Variants in GNA12 observed in about 807,000 individuals in gnomAD.
GNA12 encodes guanine nucleotide-binding protein subunit alpha-12.
GNA12 carries 9 observed loss-of-function variants against 26.0 expected under a neutral mutation model. The observed-to-expected ratio is 0.35, with a 90% confidence interval of 0.21 to 0.60. GNA12 has a LOEUF of 0.60. GNA12 is among the 20% of genes least tolerant of loss of function. The pLI, the probability that GNA12 is intolerant of heterozygous loss-of-function variation, is 0.78. For missense variants in GNA12, 405 were observed against 525.8 expected, an observed-to-expected ratio of 0.77 and a Z score of 2.25; for synonymous variants, 264 against 219.6, an observed-to-expected ratio of 1.20 and a Z score of -1.79.
chr7:2,752,717 G>A (rs750248350), intron 2 of GNA12, among the ~76,000 whole-genome samples: 13 of 152,132 alleles, frequency 8.5e-5, no homozygotes, highest in Non-Finnish European at 1.6e-4. Context: ...ACTAAGAAAC[G>A]TGAATTTTTT....
At chr7:2,788,095 A>G (rs1236136265) in intron 2 of GNA12, among the ~76,000 whole-genome samples, 2 of 152,018 alleles carry the variant, frequency 1.3e-5, no homozygotes, top group Non-Finnish European at 1.5e-5. Context: ...CAGAGGTTGC[A>G]GTGAGCTGAG....
intron 2 of GNA12, among the ~76,000 whole-genome samples, chr7:2,734,497 G>A (rs113535557): frequency 2.2e-3 from 332 of 152,310 alleles, no homozygotes; most frequent in African/African-American, 7.1e-3. Flanking sequence ...GCGAGCTGAC[G>A]CAGGAGAATT....
chr7:2,814,264 G>A (rs763344460), intron 1 of GNA12: 1 of 929,410 alleles, frequency 1.1e-6, no homozygotes, highest in Non-Finnish European at 1.8e-6. Context: ...AATCCTGACT[G>A]AGATCAGGGA....
chr7:2,808,115 C>G (rs146556093), intron 1 of GNA12, among the ~76,000 whole-genome samples: 74 of 152,362 alleles, frequency 4.9e-4, no homozygotes, highest in Admixed American at 1.2e-3. Context: ...AACGGAAAAT[C>G]TTAATTTATG....
chr7:2,782,411 G>GT (rs369978956), intron 2 of GNA12, among the ~76,000 whole-genome samples: 16 of 152,276 alleles, frequency 1.1e-4, no homozygotes, highest in African/African-American at 3.6e-4. Flanking sequence ...AACTCTCTGT[G>GT]TTTGGAAATG....
At chr7:2,760,919 T>C (rs1332673505) in intron 2 of GNA12, among the ~76,000 whole-genome samples, 1 of 152,230 alleles carries the variant, frequency 6.6e-6, no homozygotes, top group Non-Finnish European at 1.5e-5. Flanking sequence ...TGGGGGGTTC[T>C]GGCTGGCACC....
Position 2,728,505 on chromosome 7 carries a change from G to A in GNA12, c.*2676C>T, listed in dbSNP as rs1331716856. 1 of 152,382 alleles carries A rather than the reference G, an allele frequency of 6.6e-6. No individual in the cohort carries two copies. The highest frequency in any genetic ancestry group is 1.5e-5 in the Non-Finnish European group (1 of 68,014). The allele number at this position is 152,382 out of a possible 1,614,324, so 9.4% of individuals were successfully genotyped here. A position where few individuals can be genotyped will look rare whatever the true frequency, so the allele number is the denominator to read the frequency against. Reference sequence around the variant, plus strand: ...ACATAAGAGTTAAAAATAGATTTCAGTAAAACCCTATATGCGTCTTATGTG... The same window carrying A: ...ACATAAGAGTTAAAAATAGATTTCAATAAAACCCTATATGCGTCTTATGTG... On this transcript the variant is annotated 3_prime_UTR_variant, in exon 4 of 4. Transcript: ENST00000275364.
intron 2 of GNA12, among the ~76,000 whole-genome samples, chr7:2,779,919 A>G (rs1464060070): frequency 6.6e-6 from 1 of 151,924 alleles, no homozygotes; most frequent in African/African-American, 2.4e-5. Context: ...TTTTGGCCAC[A>G]GTTAAAAATA....
At chr7:2,783,570 T>C (rs114229576) in intron 2 of GNA12, among the ~76,000 whole-genome samples, 1,856 of 152,264 alleles carry the variant, frequency 0.012, 49 homozygotes, top group African/African-American at 0.042. Context: ...CAGCTCAGGC[T>C]CTGCTTCTCC....
At chr7:2,745,615 C>G (rs773060873) in intron 2 of GNA12, among the ~76,000 whole-genome samples, 4 of 152,154 alleles carry the variant, frequency 2.6e-5, no homozygotes, top group Non-Finnish European at 5.9e-5. Flanking sequence ...CATCAACTAA[C>G]GAGCAAAATA....
At chr7:2,796,391 C>T (rs554502954) in intron 1 of GNA12, among the ~76,000 whole-genome samples, 211 of 152,300 alleles carry the variant, frequency 1.4e-3, no homozygotes, top group Non-Finnish European at 2.6e-3. Flanking sequence ...TCACCGTCCG[C>T]GCCTATTTTC....
intron 2 of GNA12, chr7:2,764,745 G>C (rs1791733208): frequency 6.6e-6 from 1 of 152,256 alleles, no homozygotes; most frequent in Non-Finnish European, 1.5e-5. Flanking sequence ...TTCAGCCACA[G>C]CTGGGAACTG....
At chr7:2,806,487 AAAAAG>A (rs1052540093) in intron 1 of GNA12, among the ~76,000 whole-genome samples, 17 of 151,550 alleles carry the variant, frequency 1.1e-4, no homozygotes, top group African/African-American at 3.9e-4. Flanking sequence ...AAGAAAAAGA[AAAAAG>A]AAGAAAGAAC....
At chr7:2,784,119 T>C (rs1488721748) in intron 2 of GNA12, among the ~76,000 whole-genome samples, 2 of 152,224 alleles carry the variant, frequency 1.3e-5, no homozygotes, top group African/African-American at 2.4e-5. Context: ...TTAACATTTA[T>C]TTTATTATTT....
chr7:2,744,988 G>A (rs568242794), intron 2 of GNA12, among the ~76,000 whole-genome samples: 15 of 152,204 alleles, frequency 9.9e-5, no homozygotes, highest in Admixed American at 6.5e-4. Flanking sequence ...AAAAAGAAAC[G>A]AACAAGGCCT....
chr7:2,791,257 A>G (rs1792510830), intron 2 of GNA12, among the ~76,000 whole-genome samples: 1 of 152,214 alleles, frequency 6.6e-6, no homozygotes, highest in African/African-American at 2.4e-5. Flanking sequence ...ACATGGCGAG[A>G]TCATCTTCCT....
At chr7:2,772,998 C>G (rs35957220) in intron 2 of GNA12, among the ~76,000 whole-genome samples, 37,648 of 152,228 alleles carry the variant, frequency 0.25, 5,215 homozygotes, top group Non-Finnish European at 0.29. Context: ...ATGAATCTCT[C>G]AGTCATTAAG....
intron 1 of GNA12, among the ~76,000 whole-genome samples, chr7:2,807,640 C>T (rs528321101): frequency 5.3e-5 from 8 of 151,140 alleles, no homozygotes; most frequent in South Asian, 4.2e-4. Flanking sequence ...TGTTCTCATC[C>T]GTTGCCTCTA....
chr7:2,791,722 C>T (rs745871873), intron 2 of GNA12, among the ~76,000 whole-genome samples: 1 of 151,848 alleles, frequency 6.6e-6, no homozygotes, highest in Non-Finnish European at 1.5e-5. Context: ...CAAGGGTCTA[C>T]TGCAGGGGTG....
Sources: allele counts gnomAD v4.1 joint callset (sites outside exome capture counted in the v4.1 genomes callset), GRCh38; gene constraint gnomAD v4.1.1; transcripts MANE v1.5; gene names NCBI Gene and HGNC (gene_info 2026-07-23, HGNC 2026-07-21).